GRK5: variants seen among roughly 807,000 people sequenced by gnomAD.
The protein encoded by GRK5 is G protein-coupled receptor kinase 5, also known as g protein-coupled receptor kinase GRK5.
A neutral mutation model predicts 78.4 loss-of-function variants in GRK5; 40 were observed. That is an observed-to-expected ratio of 0.51 (90% CI 0.40 to 0.66). The LOEUF (loss-of-function observed/expected upper bound fraction) is 0.66, where lower values mean the gene tolerates loss of function less well. Ranked by LOEUF, GRK5 falls within the 30% of genes least tolerant of loss-of-function variation. GRK5 has a pLI of 0.00. For synonymous variants in GRK5, 289 were observed against 296.8 expected, an observed-to-expected ratio of 0.97 and a Z score of 0.27; for missense variants, 598 against 759.9, an observed-to-expected ratio of 0.79 and a Z score of 2.50.
intron 2 of GRK5, among the ~76,000 whole-genome samples, chr10:119,328,434 TGGG>T (rs2133766508): frequency 6.6e-6 from 1 of 152,286 alleles, no homozygotes; most frequent in South Asian, 2.1e-4. Flanking sequence ...GTTGTGGGAC[TGGG>T]GAGGAGACCT....
intron 2 of GRK5, among the ~76,000 whole-genome samples, chr10:119,337,004 C>T (rs1016299735): frequency 1.3e-5 from 2 of 152,104 alleles, no homozygotes; most frequent in Admixed American, 6.6e-5. Flanking sequence ...CGATACTGTC[C>T]GTGGGTTTCT....
chr10:119,233,800 G>GC (rs1848874131), intron 1 of GRK5, among the ~76,000 whole-genome samples: 1 of 152,220 alleles, frequency 6.6e-6, no homozygotes, highest in African/African-American at 2.4e-5. Context: ...CTTTGCTTGA[G>GC]CAGAGGGCCA....
At chr10:119,243,811 A>G (rs766321062) in intron 1 of GRK5, among the ~76,000 whole-genome samples, 80 of 152,344 alleles carry the variant, frequency 5.3e-4, no homozygotes, top group South Asian at 1.2e-3. Flanking sequence ...GAAAACCACA[A>G]CTGTGTGAGC....
rs2133778392 is a variant in GRK5 at position 119,336,952 on chromosome 10, T to C, written c.148+10341T>C. ...CTCCCCACTACGGCCGGAAGCTCCTTGAAAGAGAAGGCACGAGCTCAGGCA... is the reference window on the plus strand; with the variant it reads ...CTCCCCACTACGGCCGGAAGCTCCTCGAAAGAGAAGGCACGAGCTCAGGCA... On this transcript the variant is annotated intron_variant, in intron 2 of 15. Coordinates refer to ENST00000392870, the MANE Select transcript of GRK5 (RefSeq NM_005308.3). The surrounding 1 kb of genome is among the most constrained non-coding windows in gnomAD (Gnocchi z 4.5). Among the ~76,000 whole-genome samples the C allele has an allele frequency of 6.6e-6, 1 of 152,272 alleles. No homozygotes were observed. Among genetic ancestry groups the C allele is most frequent in the East Asian group, 1.9e-4 (1 of 5,176 alleles).
At chr10:119,242,664 C>T (rs969691189) in intron 1 of GRK5, among the ~76,000 whole-genome samples, 3 of 151,792 alleles carry the variant, frequency 2.0e-5, no homozygotes, top group Non-Finnish European at 2.9e-5. Context: ...GAAATTGAAT[C>T]ATGGGGATGG....
At chr10:119,434,783 C>A (rs1459392954) in intron 8 of GRK5, among the ~76,000 whole-genome samples, 1 of 152,258 alleles carries the variant, frequency 6.6e-6, no homozygotes, top group African/African-American at 2.4e-5. Context: ...CTCCAATAGG[C>A]AATGCCCCAG....
chr10:119,377,377 G>A lies in GRK5; in HGVS notation c.149-3438G>A, dbSNP rs79007235. The stretch of plus-strand genomic sequence containing the variant: ...TGTCACCTTGATCATTCCCAAATTC[G>A]TATTCTTCCTTCTGTGGCCTCCTTA... On this transcript the variant is annotated intron_variant, in intron 2 of 15. Transcript: ENST00000392870. Among the ~76,000 whole-genome samples, 1,210 of 152,182 alleles carry A rather than the reference G, an allele frequency of 8.0e-3. 26 individuals carry two copies. Among genetic ancestry groups the A allele is most frequent in the African/African-American group, 0.028 (1,148 of 41,480 alleles).
intron 1 of GRK5, among the ~76,000 whole-genome samples, chr10:119,313,031 A>T (rs1211659703): frequency 7.6e-3 from 31 of 4,088 alleles, no homozygotes; most frequent in South Asian, 0.016. Flanking sequence ...TGGTAATGGC[A>T]GTGGTGATGG....
intron 2 of GRK5, among the ~76,000 whole-genome samples, chr10:119,352,321 G>A (rs185725733): frequency 7.2e-5 from 11 of 152,274 alleles, no homozygotes; most frequent in South Asian, 6.2e-4. Context: ...AAGATAAGAG[G>A]GAAAGGGTAA....
chr10:119,263,791 T>A (rs1159646460), intron 1 of GRK5, among the ~76,000 whole-genome samples: 4 of 152,012 alleles, frequency 2.6e-5, no homozygotes, highest in Non-Finnish European at 5.9e-5. Flanking sequence ...CCGGGCGTGG[T>A]GGCGGGCGCC....
At chr10:119,444,701 T>C (rs1449623507) in intron 12 of GRK5, among the ~76,000 whole-genome samples, 1 of 152,142 alleles carries the variant, frequency 6.6e-6, no homozygotes, top group Non-Finnish European at 1.5e-5. Flanking sequence ...CTCCTCTCCC[T>C]GGAGCCACAG....
At chr10:119,227,833 AT>A (rs1848765179) in intron 1 of GRK5, among the ~76,000 whole-genome samples, 1 of 152,212 alleles carries the variant, frequency 6.6e-6, no homozygotes, top group Non-Finnish European at 1.5e-5. Context: ...TCTTTCAAAC[AT>A]TACGATCTTG....
At chr10:119,260,522 C>T (rs976502931) in intron 1 of GRK5, among the ~76,000 whole-genome samples, 16 of 151,360 alleles carry the variant, frequency 1.1e-4, no homozygotes, top group Non-Finnish European at 2.4e-4. Context: ...GAACAAAGGT[C>T]TCTGGTTTTC....
rs548272853 is a variant in GRK5 at position 119,389,084 on chromosome 10, T to C, written c.262-7611T>C. ...AGAGACTTTCCTAGAGCATGAGTAA[T>C]GAGGCAAGGATTATTGAAGGCCACC... On this transcript the variant is annotated intron_variant, in intron 3 of 15. Transcript: ENST00000392870. Among the ~76,000 whole-genome samples, 3 of 152,314 alleles carry C rather than the reference T, an allele frequency of 2.0e-5. No individual in the cohort carries two copies. The South Asian group carries it at 6.2e-4, about 32-fold the overall frequency.
chr10:119,374,930 A>G (rs905309152), intron 2 of GRK5, among the ~76,000 whole-genome samples: 5 of 152,152 alleles, frequency 3.3e-5, no homozygotes, highest in African/African-American at 7.2e-5. Context: ...TGCCAGTGCT[A>G]TGCTTCCTGT....
chr10:119,396,427 T>C (rs1379824727), intron 3 of GRK5, among the ~76,000 whole-genome samples: 1 of 152,218 alleles, frequency 6.6e-6, no homozygotes, highest in Non-Finnish European at 1.5e-5. Flanking sequence ...GCATCAGTGT[T>C]TGCTCAGGGC....
At chr10:119,370,776 G>A (rs1190504046) in intron 2 of GRK5, among the ~76,000 whole-genome samples, 2 of 152,134 alleles carry the variant, frequency 1.3e-5, no homozygotes, top group African/African-American at 4.8e-5. Flanking sequence ...GTAGAGGGCT[G>A]GCAGCCTCTG....
At chr10:119,443,331 T>C (rs922858423) in intron 11 of GRK5, among the ~76,000 whole-genome samples, 3 of 152,150 alleles carry the variant, frequency 2.0e-5, no homozygotes, top group Non-Finnish European at 4.4e-5. Flanking sequence ...GCAGGACACC[T>C]CCATCCACGG....
chr10:119,317,437 T>G (rs1390241490), intron 1 of GRK5, among the ~76,000 whole-genome samples: 1 of 150,648 alleles, frequency 6.6e-6, no homozygotes, highest in African/African-American at 2.4e-5. Flanking sequence ...CACAGGGAGA[T>G]GATCAGGGCC....
Sources: gnomAD v4.1 joint callset for allele counts (sites outside exome capture counted in the v4.1 genomes callset) on GRCh38, gnomAD v4.1.1 for gene constraint, Gnocchi (gnomAD v3.1) non-coding constraint, MANE v1.5 for transcripts, NCBI Gene and HGNC (gene_info 2026-07-23, HGNC 2026-07-21) for gene names.